HEPACAM2: variants seen among roughly 807,000 people sequenced by gnomAD.
HEPACAM2 encodes mitotic kinetics regulator.
A neutral mutation model predicts 49.6 loss-of-function variants in HEPACAM2; 49 were observed. The observed-to-expected ratio is 0.99, with a 90% CI of 0.78 to 1.25. The LOEUF is 1.25. Ranked by LOEUF, HEPACAM2 falls within the 50% of genes most tolerant of loss-of-function variation. HEPACAM2 has a pLI of 0.00. For missense variants in HEPACAM2, 525 were observed against 557.2 expected (o/e 0.94, Z 0.58); for synonymous variants, 197 against 202.9 (o/e 0.97, Z 0.25).
chr7:93,195,162 TGA>T lies in HEPACAM2; in HGVS notation c.1275+664_1275+665del, dbSNP rs1192447553. Reference sequence around the variant, plus strand: ...GAGGAACAGAGAGAGTTTAGTAAAGTGATGGGTTGCAGTCACCCAAGTGATGC... The same window carrying T: ...GAGGAACAGAGAGAGTTTAGTAAAGTTGGGTTGCAGTCACCCAAGTGATGC... On this transcript the variant is annotated intron_variant, in intron 8 of 9. Transcript: ENST00000394468. 3.5e-4 allele frequency among the ~76,000 whole-genome samples: 53 copies of T among 152,174 alleles called. 1 individual carries two copies. The South Asian group carries it at 8.1e-3, about 23-fold the overall frequency.
intron 3 of HEPACAM2, 122 bp from the exon 4 acceptor site, chr7:93,208,998 C>T (rs1794108397): frequency 2.8e-6 from 2 of 724,516 alleles, no homozygotes; most frequent in East Asian, 2.8e-5. Context: ...ATTGGACGAG[C>T]AGGTCCTTGC....
intron 1 of HEPACAM2, among the ~76,000 whole-genome samples, chr7:93,220,371 T>C (rs557769612): frequency 6.6e-6 from 1 of 152,100 alleles, no homozygotes; most frequent in Non-Finnish European, 1.5e-5. Flanking sequence ...GTAAAAGACG[T>C]TTTGGAAAAA....
At position 93,188,899 on chromosome 7, in the gene HEPACAM2, AG is replaced by A. The variant is rs1248267184; in HGVS notation, c.*367del. 10 of 396,262 alleles carry A rather than the reference AG, an allele frequency of 2.5e-5. No individual in the cohort carries two copies. Among genetic ancestry groups the A allele is most frequent in the Admixed American group, 1.3e-4 (3 of 22,748 alleles). The allele number at this position is 396,262 out of a possible 1,614,324, so 24.5% of individuals were successfully genotyped here. A position where few individuals can be genotyped will look rare whatever the true frequency, so the allele number is the denominator to read the frequency against. On this transcript the variant is annotated 3_prime_UTR_variant, in exon 10 of 10. Coordinates refer to ENST00000394468, the MANE Select transcript of HEPACAM2 (RefSeq NM_001039372.4). Reference sequence around the variant, plus strand: ...AAGTTTCCACATTTGTAGGTGAGACAGGATAGTCTCAGTGTTGATGATAGTG... The same window carrying A: ...AAGTTTCCACATTTGTAGGTGAGACAGATAGTCTCAGTGTTGATGATAGTG...
chr7:93,219,524 G>A (rs1440604839), intron 1 of HEPACAM2, 73 bp from the exon 2 acceptor site: 1 of 1,597,772 alleles, frequency 6.3e-7, no homozygotes. Context: ...AATGCAGAGA[G>A]AACCTGATCA....
chr7:93,219,499 C>T (rs1301597258), intron 1 of HEPACAM2, 48 bp from the exon 2 acceptor site: 4 of 1,610,454 alleles, frequency 2.5e-6, no homozygotes, highest in Non-Finnish European at 3.4e-6. Flanking sequence ...CCACATTTCA[C>T]AATCTAAAGG....
chr7:93,221,909 T>G (rs1794458586), intron 1 of HEPACAM2, among the ~76,000 whole-genome samples: 1 of 152,190 alleles, frequency 6.6e-6, no homozygotes, highest in Non-Finnish European at 1.5e-5. Context: ...TATTCTTTTC[T>G]GCCAAGTGTA....
chr7:93,225,993 T>G (rs1794531915), intron 1 of HEPACAM2: 1 of 963,492 alleles, frequency 1.0e-6, no homozygotes, highest in Non-Finnish European at 1.5e-6. Context: ...TTATTTGTAG[T>G]TTCACTCTAA....
At chr7:93,206,046 T>C (rs1274647581) in intron 4 of HEPACAM2, among the ~76,000 whole-genome samples, 1 of 152,088 alleles carries the variant, frequency 6.6e-6, no homozygotes, top group Non-Finnish European at 1.5e-5. Context: ...TAATCAAATA[T>C]TGGGGGCTTC....
intron 4 of HEPACAM2, among the ~76,000 whole-genome samples, chr7:93,198,106 A>C (rs1415164113): frequency 2.6e-5 from 4 of 152,122 alleles, no homozygotes; most frequent in African/African-American, 4.8e-5. Context: ...AATGTCTCTT[A>C]CCATAAATGA....
intron 3 of HEPACAM2, among the ~76,000 whole-genome samples, chr7:93,213,405 T>C (rs1794225674): frequency 6.6e-6 from 1 of 152,034 alleles, no homozygotes; most frequent in Middle Eastern, 3.2e-3. Context: ...GTTCCTACTT[T>C]CATGAAAAAA....
chr7:93,195,712 A>T, intron 8 of HEPACAM2, 116 bp downstream of exon 8: 1 of 755,642 alleles, frequency 1.3e-6, no homozygotes. Flanking sequence ...TGCTTAATGC[A>T]GTAATGGGTA....
chr7:93,212,825 C>A (rs544002372), intron 3 of HEPACAM2, among the ~76,000 whole-genome samples: 91 of 152,170 alleles, frequency 6.0e-4, no homozygotes, highest in Non-Finnish European at 1.1e-3. Flanking sequence ...AGTGAATGGG[C>A]AATCCAATTG....
chr7:93,208,450 GAGAGATTT>G, intron 4 of HEPACAM2, 122 bp downstream of exon 4: 1 of 802,854 alleles, frequency 1.2e-6, no homozygotes. Context: ...ACTTTGGAAA[GAGAGATTT>G]TTAGAATATA....
intron 1 of HEPACAM2, among the ~76,000 whole-genome samples, chr7:93,222,348 A>C (rs1303059767): frequency 6.6e-6 from 1 of 152,190 alleles, no homozygotes; most frequent in African/African-American, 2.4e-5. Context: ...TTACTAACTT[A>C]AGATATGTAA....
Position 93,219,290 on chromosome 7 carries a change from G to A in HEPACAM2, c.241C>T (p.Leu81=). 1 of 1,613,978 alleles carries A rather than the reference G, an allele frequency of 6.2e-7. No individual in the cohort carries two copies. The highest frequency in any genetic ancestry group is 2.2e-5 in the East Asian group (1 of 44,868). The stretch of plus-strand genomic sequence containing the variant: ...ACCACAGACTTATTCACAGAGCCCA[G>A]TAAGTATTTGGGCATTGTGTGGGGT... ...ERPHTMPKYL[L]GSVNKSVVPD... is the part of the protein sequence containing the mutation. Residue 81 remains leucine (L), a synonymous_variant, in exon 2 of 10, where the codon CTG becomes TTG. Coordinates refer to ENST00000394468, the MANE Select transcript of HEPACAM2 (RefSeq NM_001039372.4).
At chr7:93,205,687 T>C (rs970230244) in intron 4 of HEPACAM2, 4 of 152,130 alleles carry the variant, frequency 2.6e-5, no homozygotes, top group African/African-American at 9.7e-5. Flanking sequence ...TAACTGTAGG[T>C]TGATGTATAC....
intron 4 of HEPACAM2, among the ~76,000 whole-genome samples, chr7:93,201,826 A>G (rs1297154713): frequency 6.6e-6 from 1 of 152,064 alleles, no homozygotes; most frequent in Non-Finnish European, 1.5e-5. Flanking sequence ...TCAGCATCCC[A>G]AGATCATTTT....
At chr7:93,194,939 T>TTTTTTTTTTTG (rs1172777927) in intron 8 of HEPACAM2, among the ~76,000 whole-genome samples, 1 of 149,902 alleles carries the variant, frequency 6.7e-6, no homozygotes, top group Non-Finnish European at 1.5e-5. Flanking sequence ...TTTTTTTTTT[T>TTTTTTTTTTTG]CCGGACTGAA....
chr7:93,200,899 T>C (rs1793864826), intron 4 of HEPACAM2, among the ~76,000 whole-genome samples: 1 of 152,110 alleles, frequency 6.6e-6, no homozygotes, highest in South Asian at 2.1e-4. Flanking sequence ...AGGCCGGAAC[T>C]AGCCCTGGAC....
Sources: allele counts gnomAD v4.1 joint callset (sites outside exome capture counted in the v4.1 genomes callset), GRCh38; gene constraint gnomAD v4.1.1; transcripts MANE v1.5; gene names NCBI Gene and HGNC (gene_info 2026-07-23, HGNC 2026-07-21).